The following PAM variants were observed in gnomAD, a reference collection of about 807,000 sequenced individuals.
The protein encoded by PAM is peptidyl-glycine alpha-amidating monooxygenase.
A neutral mutation model predicts 122.1 loss-of-function variants in PAM; 72 were observed. The observed-to-expected ratio is 0.59, with a 90% CI of 0.49 to 0.72. The LOEUF (loss-of-function observed/expected upper bound fraction) is 0.72, where lower values mean the gene tolerates loss of function less well. Ranked by LOEUF, PAM falls within the 30% of genes least tolerant of loss-of-function variation. The pLI, the probability that PAM is intolerant of heterozygous loss-of-function variation, is 0.00. For synonymous variants in PAM, 389 were observed against 404.4 expected, an observed-to-expected ratio of 0.96 and a Z score of 0.46; for missense variants, 1,106 against 1,183.7, an observed-to-expected ratio of 0.93 and a Z score of 0.96.
chr5:103,011,206 T>A (rs1323570843), intron 21 of PAM, among the ~76,000 whole-genome samples: 2 of 152,164 alleles, frequency 1.3e-5, no homozygotes, highest in Non-Finnish European at 1.5e-5. Context: ...TGTGACCCAA[T>A]AATTCCCATC....
chr5:102,797,339 T>G (rs911701689), intron 1 of PAM, among the ~76,000 whole-genome samples: 2 of 152,202 alleles, frequency 1.3e-5, no homozygotes, highest in Non-Finnish European at 2.9e-5. Flanking sequence ...TATTAAATAT[T>G]ATTTTAAAAT....
At chr5:102,908,993 G>T (rs1476656271) in intron 4 of PAM, among the ~76,000 whole-genome samples, 1 of 151,762 alleles carries the variant, frequency 6.6e-6, no homozygotes, top group Non-Finnish European at 1.5e-5. Context: ...GCAATTTAGA[G>T]CATTACTATC....
intron 1 of PAM, among the ~76,000 whole-genome samples, chr5:102,807,298 CATT>C (rs1363321180): frequency 6.6e-6 from 1 of 152,148 alleles, no homozygotes; most frequent in Non-Finnish European, 1.5e-5. Context: ...GATGTTGAAA[CATT>C]GTTATTTTAA....
intron 23 of PAM, among the ~76,000 whole-genome samples, chr5:103,024,089 A>C (rs998551811): frequency 3.3e-5 from 5 of 152,180 alleles, no homozygotes; most frequent in Admixed American, 3.3e-4. Context: ...ATCGTAGGGC[A>C]GAAGGGCATT....
intron 19 of PAM, 110 bp downstream of exon 19, chr5:103,007,121 T>A (rs1448759656): frequency 1.3e-6 from 1 of 792,934 alleles, no homozygotes; most frequent in Non-Finnish European, 2.0e-6. Flanking sequence ...CCCTACAGGG[T>A]CATTGTAACC....
Position 103,003,135 on chromosome 5 carries a change from C to G in PAM, c.1716C>G (p.Ser572=). 6.7e-7 allele frequency: 1 copy of G among 1,498,850 alleles called. No homozygotes were observed. The highest frequency in any genetic ancestry group is 9.3e-7 in the Non-Finnish European group (1 of 1,074,700). The allele number at this position is 1,498,850 out of a possible 1,614,324, so 92.8% of individuals were successfully genotyped here. Residue 572 remains serine, a synonymous_variant, in exon 17 of 26, where the codon TCC becomes TCG. Transcript: ENST00000438793. ...IDPNNAAVLQ[S]SGKNLFYLPH... is the part of the protein sequence containing the mutation. The stretch of plus-strand genomic sequence containing the variant: ...CAAATAATGCTGCAGTACTCCAGTC[C>G]AGTGGAAAAAATCTGTGAGTTAAAT...
At chr5:102,997,663 A>T (rs889851334) in intron 16 of PAM, among the ~76,000 whole-genome samples, 1 of 152,234 alleles carries the variant, frequency 6.6e-6, no homozygotes, top group African/African-American at 2.4e-5. Flanking sequence ...GTGGATAATG[A>T]AATAGAATTA....
At chr5:102,950,972 T>C (rs773153611) in intron 12 of PAM, 152 bp downstream of exon 12, 3 of 564,118 alleles carry the variant, frequency 5.3e-6, no homozygotes, top group Non-Finnish European at 9.5e-6. Context: ...TCAAAGCTGA[T>C]TGATTCAGAT....
rs111988306 is a variant in PAM at position 102,790,202 on chromosome 5, C to T, written c.-374+34854C>T. Reference sequence around the variant, plus strand: ...CTCAGTGAACAGATAGAAAACACAGCATTTAAAATACAAATAATTAAAACA... The same window carrying T: ...CTCAGTGAACAGATAGAAAACACAGTATTTAAAATACAAATAATTAAAACA... On this transcript the variant is annotated intron_variant, in intron 1 of 25. Transcript: ENST00000438793. Among the ~76,000 whole-genome samples, 341 of 152,124 alleles carry T rather than the reference C, an allele frequency of 2.2e-3. 1 individual carries two copies. The highest frequency in any genetic ancestry group is 7.7e-3 in the African/African-American group (320 of 41,508).
intron 1 of PAM, among the ~76,000 whole-genome samples, chr5:102,800,497 T>C (rs1370936615): frequency 2.0e-5 from 3 of 152,218 alleles, no homozygotes; most frequent in African/African-American, 7.2e-5. Flanking sequence ...AGTGTCATTC[T>C]TTTTTCCTTC....
intron 14 of PAM, among the ~76,000 whole-genome samples, chr5:102,963,577 G>A (rs886539792): frequency 6.6e-6 from 1 of 151,876 alleles, no homozygotes; most frequent in Non-Finnish European, 1.5e-5. Context: ...ATAAGCAAAA[G>A]CCCACATTAT....
At chr5:102,852,710 T>C (rs1005600385) in intron 1 of PAM, among the ~76,000 whole-genome samples, 2 of 152,152 alleles carry the variant, frequency 1.3e-5, no homozygotes, top group African/African-American at 2.4e-5. Flanking sequence ...ATGCTGACTT[T>C]TAAAACTCCA....
rs138107593 is a variant in PAM at position 102,821,452 on chromosome 5, G to A, written c.-373-44371G>A. ...CTTCCTTCCCAAACTATTTCTTTCTGGGCCAGTTTTATTTTGTGTTGACAT... is the reference window on the plus strand; with the variant it reads ...CTTCCTTCCCAAACTATTTCTTTCTAGGCCAGTTTTATTTTGTGTTGACAT... On this transcript the variant is annotated intron_variant, in intron 1 of 25. Coordinates refer to ENST00000438793, the MANE Select transcript of PAM (RefSeq NM_001177306.2). Among the ~76,000 whole-genome samples the A allele has an allele frequency of 5.8e-3, 885 of 152,154 alleles. 15 individuals carry two copies. Among genetic ancestry groups the A allele is most frequent in the Admixed American group, 0.026 (391 of 15,282 alleles).
At chr5:102,903,755 C>T (rs963658132) in intron 4 of PAM, among the ~76,000 whole-genome samples, 2 of 151,546 alleles carry the variant, frequency 1.3e-5, no homozygotes, top group African/African-American at 2.4e-5. Flanking sequence ...CCTAGTCGTA[C>T]TTCAGATTTT....
At chr5:102,756,273 C>T (rs928402887) in intron 1 of PAM, among the ~76,000 whole-genome samples, 1 of 152,090 alleles carries the variant, frequency 6.6e-6, no homozygotes, top group Non-Finnish European at 1.5e-5. Flanking sequence ...GTGATTTGGT[C>T]AGTAGCTTTG....
intron 21 of PAM, among the ~76,000 whole-genome samples, chr5:103,016,670 G>A (rs1782093005): frequency 6.6e-6 from 1 of 152,142 alleles, no homozygotes; most frequent in Non-Finnish European, 1.5e-5. Flanking sequence ...CAGAGCATCT[G>A]AAGTAGGGAC....
chr5:103,002,041 C>T (rs1356663346), intron 16 of PAM, among the ~76,000 whole-genome samples: 1 of 151,976 alleles, frequency 6.6e-6, no homozygotes, highest in Non-Finnish European at 1.5e-5. Flanking sequence ...CACACATACA[C>T]ACACACCCCC....
chr5:102,941,568 C>T (rs906060351), intron 7 of PAM, among the ~76,000 whole-genome samples: 8 of 152,228 alleles, frequency 5.3e-5, no homozygotes, highest in Admixed American at 3.3e-4. Flanking sequence ...TTTGCCATGA[C>T]AGCTTAAAGT....
chr5:103,009,484 T>C (rs998497143), intron 20 of PAM, among the ~76,000 whole-genome samples: 1 of 152,202 alleles, frequency 6.6e-6, no homozygotes. Flanking sequence ...TCAATATCTA[T>C]GTATTTCTGA....
Sources: allele counts gnomAD v4.1 joint callset (sites outside exome capture counted in the v4.1 genomes callset), GRCh38; gene constraint gnomAD v4.1.1; transcripts MANE v1.5; gene names NCBI Gene and HGNC (gene_info 2026-07-23, HGNC 2026-07-21).